Variants in COG5 observed in about 807,000 individuals in gnomAD.
The protein encoded by COG5 is conserved oligomeric Golgi complex subunit 5.
A neutral mutation model predicts 110.4 loss-of-function variants in COG5; 86 were observed. The ratio of observed to expected loss-of-function variants is 0.78; its 90% CI spans 0.65 to 0.93. The LOEUF (loss-of-function observed/expected upper bound fraction) is 0.93. Ranked by LOEUF, COG5 falls within the 40% of genes least tolerant of loss-of-function variation. The probability of loss-of-function intolerance (pLI) is 0.00; values close to 1 mark genes in which losing one functional copy is unlikely to be tolerated. For missense variants in COG5, 1,077 were observed against 987.0 expected, an observed-to-expected ratio of 1.09 and a Z score of -1.22; for synonymous variants, 360 against 334.6, an observed-to-expected ratio of 1.08 and a Z score of -0.83.
chr7:107,256,644 T>A, intron 16 of COG5, 88 bp downstream of exon 16: 1 of 814,718 alleles, frequency 1.2e-6, no homozygotes, highest in Non-Finnish European at 2.1e-6. Flanking sequence ...GATTCTGAAT[T>A]ATTATAAAAT....
chr7:107,436,763 A>G (rs1241322288), intron 6 of COG5, among the ~76,000 whole-genome samples: 3 of 152,236 alleles, frequency 2.0e-5, no homozygotes, highest in African/African-American at 7.2e-5. Flanking sequence ...GAATATAATA[A>G]AAATTCTAAA....
At chr7:107,551,666 G>A (rs1353654891) in intron 3 of COG5, among the ~76,000 whole-genome samples, 2 of 152,128 alleles carry the variant, frequency 1.3e-5, no homozygotes, top group East Asian at 1.9e-4. Context: ...CACCCAGGCT[G>A]GAGGGCAGGG....
intron 7 of COG5, among the ~76,000 whole-genome samples, chr7:107,373,031 G>C (rs1235316388): frequency 1.3e-5 from 2 of 151,984 alleles, no homozygotes; most frequent in Non-Finnish European, 2.9e-5. Context: ...AAGTTTGAAA[G>C]TCTGTTGTAT....
intron 11 of COG5, among the ~76,000 whole-genome samples, chr7:107,301,376 A>G (rs191153182): frequency 2.2e-4 from 33 of 152,330 alleles, no homozygotes; most frequent in African/African-American, 6.0e-4. Flanking sequence ...ACTTTTATCT[A>G]AAACACATAA....
At chr7:107,462,324 C>A (rs1796041396) in intron 6 of COG5, among the ~76,000 whole-genome samples, 1 of 152,110 alleles carries the variant, frequency 6.6e-6, no homozygotes, top group Admixed American at 6.5e-5. Flanking sequence ...GGAATTCATA[C>A]CCATTCATGG....
chr7:107,444,305 A>C (rs1794884806), intron 6 of COG5, among the ~76,000 whole-genome samples: 1 of 152,218 alleles, frequency 6.6e-6, no homozygotes, highest in Non-Finnish European at 1.5e-5. Context: ...TTTTTACAAT[A>C]GAGTCTAAAT....
intron 11 of COG5, among the ~76,000 whole-genome samples, chr7:107,311,081 C>T (rs1259593354): frequency 1.3e-5 from 2 of 152,050 alleles, no homozygotes; most frequent in East Asian, 3.8e-4. Flanking sequence ...AATAGCCCGG[C>T]GAATGTCTGT....
chr7:107,225,936 G>A (rs899346563), intron 19 of COG5, among the ~76,000 whole-genome samples: 2 of 152,046 alleles, frequency 1.3e-5, no homozygotes, highest in South Asian at 2.1e-4. Flanking sequence ...CCAGCTATTC[G>A]GGAGGCTGAT....
At chr7:107,260,568 T>C (rs1387892462) in intron 14 of COG5, among the ~76,000 whole-genome samples, 1 of 152,168 alleles carries the variant, frequency 6.6e-6, no homozygotes, top group Non-Finnish European at 1.5e-5. Context: ...TTAATAAAAC[T>C]GTTTTTTAAG....
chr7:107,318,295 C>T (rs57525841), intron 11 of COG5, among the ~76,000 whole-genome samples: 47 of 152,022 alleles, frequency 3.1e-4, no homozygotes, highest in African/African-American at 1.0e-3. Flanking sequence ...CAAAGTGCTG[C>T]GATTACAGGC....
intron 5 of COG5, among the ~76,000 whole-genome samples, chr7:107,542,881 G>A (rs1465090002): frequency 6.6e-6 from 1 of 151,712 alleles, no homozygotes; most frequent in Non-Finnish European, 1.5e-5. Flanking sequence ...GCTAAGGCAG[G>A]AGAATCCTTG....
intron 7 of COG5, among the ~76,000 whole-genome samples, chr7:107,394,618 G>C (rs1347515145): frequency 6.6e-6 from 1 of 152,190 alleles, no homozygotes; most frequent in Non-Finnish European, 1.5e-5. Context: ...CAATATTTTA[G>C]TTTACAAAGC....
At chr7:107,305,298 C>T (rs887035948) in intron 11 of COG5, among the ~76,000 whole-genome samples, 2 of 152,134 alleles carry the variant, frequency 1.3e-5, no homozygotes, top group Non-Finnish European at 2.9e-5. Context: ...AATTAAGTGC[C>T]GCCTTTGTGA....
intron 21 of COG5, chr7:107,207,755 G>A: frequency 3.0e-6 from 3 of 985,188 alleles, no homozygotes; most frequent in Non-Finnish European, 3.6e-6. Context: ...GGTCCCATGA[G>A]TAAGTTATTA....
chr7:107,531,009 A>C (rs1233546022), intron 5 of COG5, among the ~76,000 whole-genome samples: 1 of 151,936 alleles, frequency 6.6e-6, no homozygotes, highest in Non-Finnish European at 1.5e-5. Flanking sequence ...GCCAACCAAG[A>C]GAAACCACTA....
At chr7:107,402,384 C>T (rs1791501444) in intron 7 of COG5, among the ~76,000 whole-genome samples, 1 of 152,182 alleles carries the variant, frequency 6.6e-6, no homozygotes, top group Non-Finnish European at 1.5e-5. Flanking sequence ...CAAGTAAACA[C>T]ATTATCTTCC....
chr7:107,545,779 C>CGAAA (rs1802372930), intron 5 of COG5, among the ~76,000 whole-genome samples: 1 of 69,852 alleles, frequency 1.4e-5, no homozygotes, highest in South Asian at 5.7e-4. Flanking sequence ...GACTCCATCT[C>CGAAA]AAAAAAAAAA....
chr7:107,224,647 C>T (rs771787584), intron 19 of COG5, among the ~76,000 whole-genome samples: 9 of 152,232 alleles, frequency 5.9e-5, no homozygotes, highest in Non-Finnish European at 1.2e-4. Flanking sequence ...AAGATCTATA[C>T]TGACAATGTC....
chr7:107,463,175 T>C (rs1369269033), intron 6 of COG5, among the ~76,000 whole-genome samples: 3 of 152,206 alleles, frequency 2.0e-5, no homozygotes, highest in Non-Finnish European at 2.9e-5. Context: ...GGTGGCAAAG[T>C]GAGAAATAAG....
Sources: allele counts gnomAD v4.1 joint callset (sites outside exome capture counted in the v4.1 genomes callset), GRCh38; gene constraint gnomAD v4.1.1; transcripts MANE v1.5; gene names NCBI Gene and HGNC (gene_info 2026-07-23, HGNC 2026-07-21).